Variants in ABLIM1 observed in about 807,000 individuals in gnomAD.
The protein encoded by ABLIM1 is actin-binding LIM protein 1.
ABLIM1 carries 40 observed loss-of-function variants against 107.0 expected under a neutral mutation model. That is an observed-to-expected ratio of 0.37 (90% CI 0.29 to 0.49). The LOEUF (loss-of-function observed/expected upper bound fraction) is 0.49. ABLIM1 is among the 20% of genes least tolerant of loss of function. The pLI, the probability that ABLIM1 is intolerant of heterozygous loss-of-function variation, is 0.97. For synonymous variants in ABLIM1, 357 were observed against 357.3 expected, an observed-to-expected ratio of 1.00 and a Z score of 0.01; for missense variants, 857 against 1,008.5, an observed-to-expected ratio of 0.85 and a Z score of 2.04.
intron 2 of ABLIM1, among the ~76,000 whole-genome samples, chr10:114,588,495 T>C (rs1341681585): frequency 2.4e-5 from 3 of 125,992 alleles, no homozygotes; most frequent in Admixed American, 8.0e-5. Flanking sequence ...TTCTTTTTTT[T>C]TTTTTTTTTT....
At chr10:114,554,323 G>A (rs2068454697) in intron 4 of ABLIM1, among the ~76,000 whole-genome samples, 1 of 152,210 alleles carries the variant, frequency 6.6e-6, no homozygotes, top group Non-Finnish European at 1.5e-5. Flanking sequence ...GTGAAGCTCT[G>A]AAATGGATGG....
At chr10:114,521,229 G>A (rs1377786977) in intron 6 of ABLIM1, among the ~76,000 whole-genome samples, 3 of 152,158 alleles carry the variant, frequency 2.0e-5, no homozygotes, top group East Asian at 1.9e-4. Context: ...TATAATCTGC[G>A]CTACCAAGAA....
chr10:114,498,061 C>A (rs2059926686), intron 6 of ABLIM1, among the ~76,000 whole-genome samples: 1 of 152,134 alleles, frequency 6.6e-6, no homozygotes, highest in African/African-American at 2.4e-5. Context: ...GTTCCGAATT[C>A]TTTGTGGACA....
At chr10:114,474,009 G>A (rs995962334) in intron 8 of ABLIM1, 53 bp from the exon 9 acceptor site, 1 of 1,392,950 alleles carries the variant, frequency 7.2e-7, no homozygotes, top group Non-Finnish European at 1.0e-6. Context: ...TCAGAATCTA[G>A]ACTGTCCTGG....
At chr10:114,487,524 T>C (rs1339874579) in intron 8 of ABLIM1, among the ~76,000 whole-genome samples, 2 of 152,256 alleles carry the variant, frequency 1.3e-5, no homozygotes, top group Admixed American at 6.5e-5. Flanking sequence ...TTTTAGAGTC[T>C]ATTCTGGTGA....
chr10:114,451,735 T>A lies in ABLIM1; in HGVS notation c.1547-64A>T, dbSNP rs374102950. On this transcript the variant is annotated intron_variant, in intron 13 of 22. Transcript: ENST00000533213. ...CCAGTTCAGCGATGGGAAAAACAGA[T>A]CAACCAAGGGGCAAATCAAACTGAA... 9.5e-6 allele frequency: 13 copies of A among 1,366,280 alleles called. No individual in the cohort carries two copies. The Middle Eastern group carries it at 5.5e-4, about 58-fold the overall frequency. 84.6% of individuals were successfully genotyped at this position (1,366,280 alleles called of 1,614,324 possible). A position where few individuals can be genotyped will look rare whatever the true frequency, so the allele number is the denominator to read the frequency against.
chr10:114,657,618 T>C (rs992962336), intron 1 of ABLIM1, among the ~76,000 whole-genome samples: 103 of 152,242 alleles, frequency 6.8e-4, no homozygotes, highest in African/African-American at 2.4e-3. Flanking sequence ...TTCCTTTCCA[T>C]TCATCCTTTG....
At chr10:114,524,426 A>G (rs970475203) in intron 6 of ABLIM1, among the ~76,000 whole-genome samples, 7 of 152,202 alleles carry the variant, frequency 4.6e-5, no homozygotes, top group African/African-American at 1.7e-4. Context: ...TCACAAAACA[A>G]GGCCCAATTC....
chr10:114,493,309 A>G (rs2059250625), intron 6 of ABLIM1, among the ~76,000 whole-genome samples: 1 of 152,210 alleles, frequency 6.6e-6, no homozygotes, highest in Admixed American at 6.5e-5. Flanking sequence ...ACTCTTAAGG[A>G]AAATGTTAAG....
intron 1 of ABLIM1, among the ~76,000 whole-genome samples, chr10:114,612,825 AAG>A (rs2076899072): frequency 6.6e-6 from 1 of 152,198 alleles, no homozygotes. Flanking sequence ...AATACAAGTT[AAG>A]AGAGAGGGTC....
At chr10:114,788,085 T>C in the ABLIM1 span, among the ~76,000 whole-genome samples, 1 of 151,026 alleles carries the variant, frequency 6.6e-6, no homozygotes, top group East Asian at 2.0e-4. Context: ...TTAAATGGAT[T>C]AAGGGCGGTG....
intron 12 of ABLIM1, among the ~76,000 whole-genome samples, chr10:114,462,846 T>C (rs2064233917): frequency 6.6e-6 from 1 of 152,158 alleles, no homozygotes; most frequent in Non-Finnish European, 1.5e-5. Flanking sequence ...CTAGAGCCCT[T>C]AGAAGTGACA....
intron 10 of ABLIM1, among the ~76,000 whole-genome samples, chr10:114,471,300 ACACT>A (rs2066498540): frequency 6.6e-6 from 1 of 152,194 alleles, no homozygotes; most frequent in Non-Finnish European, 1.5e-5. Context: ...ACAGACACGT[ACACT>A]GCACACCATG....
At chr10:114,484,282 C>T (rs1327637876) in intron 8 of ABLIM1, among the ~76,000 whole-genome samples, 3 of 152,136 alleles carry the variant, frequency 2.0e-5, no homozygotes, top group African/African-American at 2.4e-5. Flanking sequence ...TTAGCTACCT[C>T]GCAGGAATTC....
At position 114,451,634 on chromosome 10, in the gene ABLIM1, G is replaced by A; in HGVS notation, c.1584C>T (p.Tyr528=). 1 of 1,613,564 alleles carries A rather than the reference G, an allele frequency of 6.2e-7. No homozygotes were observed. Among genetic ancestry groups the A allele is most frequent in the Non-Finnish European group, 8.5e-7 (1 of 1,179,626 alleles). Residue 528 remains tyrosine, a synonymous_variant, in exon 14 of 23, where the codon TAC becomes TAT. Coordinates refer to ENST00000533213, the MANE Select transcript of ABLIM1 (RefSeq NM_002313.7). ...GAAAGCGGGTTTTACCATGCTGTTT[G>A]TAGATGGGTGGCTTTCGGTAAATGT... ...GINIYRKPPI[Y]KQHAALAAQS... is the part of the protein sequence containing the mutation.
rs577896964 is a variant in ABLIM1 at position 114,565,788 on chromosome 10, C to CTTTTTTTTTTTTTTTT, written c.673+5493_673+5508dup. Among the ~76,000 whole-genome samples the CTTTTTTTTTTTTTTTT allele has an allele frequency of 4.0e-5, 4 of 101,072 alleles. 1 individual carries two copies. Among genetic ancestry groups the CTTTTTTTTTTTTTTTT allele is most frequent in the East Asian group, 2.9e-4 (1 of 3,434 alleles). 66.3% of individuals were successfully genotyped at this position (101,072 alleles called of 152,430 possible). On this transcript the variant is annotated intron_variant, in intron 4 of 22. Transcript: ENST00000533213. ...CGCGATGCTTTATCTGAAATGATTTCTTTTTTTTTTTTTTTTTTTTTTTTG... is the reference window on the plus strand; with the variant it reads ...CGCGATGCTTTATCTGAAATGATTTCTTTTTTTTTTTTTTTTTTTTTTTTTTTTTTTTTTTTTTTTG...
At chr10:114,536,568 C>T (rs4128920) in intron 6 of ABLIM1, among the ~76,000 whole-genome samples, 110,494 of 151,970 alleles carry the variant, frequency 0.73, 41,208 homozygotes, top group Non-Finnish European at 0.82. Context: ...GTTCACATAA[C>T]GTTTTCAAGG....
At chr10:114,536,289 C>G (rs1395134208) in intron 6 of ABLIM1, among the ~76,000 whole-genome samples, 1 of 118,146 alleles carries the variant, frequency 8.5e-6, no homozygotes, top group Non-Finnish European at 1.6e-5. Flanking sequence ...CTCTTGTCGC[C>G]CAGGCTGGAG....
chr10:114,738,088 G>A (rs762352008), intron 1 of ABLIM1, among the ~76,000 whole-genome samples: 1 of 151,982 alleles, frequency 6.6e-6, no homozygotes, highest in Non-Finnish European at 1.5e-5. Context: ...TCACTCTGTC[G>A]CCCAGACTGG....
Sources: allele counts gnomAD v4.1 joint callset (sites outside exome capture counted in the v4.1 genomes callset), GRCh38; gene constraint gnomAD v4.1.1; transcripts MANE v1.5; gene names NCBI Gene and HGNC (gene_info 2026-07-23, HGNC 2026-07-21).